XPNPEP1: variants seen among roughly 807,000 people sequenced by gnomAD.
XPNPEP1 encodes xaa-Pro aminopeptidase 1.
In XPNPEP1, 39 loss-of-function variants were observed where a neutral mutation model predicts 92.4. That is an observed-to-expected ratio of 0.42 (90% CI 0.33 to 0.55). The LOEUF (loss-of-function observed/expected upper bound fraction) is 0.55. Among genes scored for constraint, XPNPEP1 ranks in the 20% least tolerant of loss-of-function variants. XPNPEP1 has a pLI of 0.08. For missense variants in XPNPEP1, 654 were observed against 856.1 expected, an observed-to-expected ratio of 0.76 and a Z score of 2.95; for synonymous variants, 307 against 299.4, an observed-to-expected ratio of 1.03 and a Z score of -0.26.
At chr10:109,877,620 G>T in intron 14 of XPNPEP1, 170 bp downstream of exon 14, 2 of 820,622 alleles carry the variant, frequency 2.4e-6, no homozygotes, top group East Asian at 2.7e-5. Flanking sequence ...CAGAGGCTTG[G>T]GGATTGGGAG....
rs7834 is a variant in XPNPEP1 at position 109,865,011 on chromosome 10, G to A, written c.*173C>T. 0.032 allele frequency: 29,583 copies of A among 918,748 alleles called. 1,514 individuals are homozygous for A. Among genetic ancestry groups the A allele is most frequent in the African/African-American group, 0.16 (9,716 of 59,760 alleles). 56.9% of individuals were successfully genotyped at this position (918,748 alleles called of 1,614,324 possible). A position where few individuals can be genotyped will look rare whatever the true frequency, so the allele number is the denominator to read the frequency against. On this transcript the variant is annotated 3_prime_UTR_variant, in exon 21 of 21. Coordinates refer to ENST00000502935, the MANE Select transcript of XPNPEP1 (RefSeq NM_020383.4). ...CAATTAAAAAATCATAAAAGACTGA[G>A]TGTTTGCAATAAAATATCAAAGAGG...
chr10:109,883,978 G>T, intron 9 of XPNPEP1, 89 bp downstream of exon 9: 1 of 1,117,832 alleles, frequency 8.9e-7, no homozygotes, highest in Non-Finnish European at 1.3e-6. Flanking sequence ...GAAATATCAG[G>T]CAGTGATGGG....
intron 6 of XPNPEP1, 94 bp downstream of exon 6, chr10:109,888,409 C>T (rs550654703): frequency 1.5e-6 from 2 of 1,330,330 alleles, no homozygotes; most frequent in Non-Finnish European, 2.1e-6. Context: ...GCTGAGCCCC[C>T]CAGTGCTCCA....
intron 7 of XPNPEP1, 47 bp downstream of exon 7, chr10:109,888,002 G>C: frequency 1.9e-6 from 3 of 1,606,250 alleles, no homozygotes; most frequent in Non-Finnish European, 2.6e-6. Flanking sequence ...GCAAGAGGTG[G>C]GGGGACAATG....
intron 8 of XPNPEP1, chr10:109,884,438 T>C: frequency 2.9e-6 from 1 of 342,116 alleles, no homozygotes; most frequent in Non-Finnish European, 5.4e-6. Flanking sequence ...CCACAAGGAG[T>C]TGAAATGATC....
chr10:109,883,840 T>C (rs1185123664), intron 9 of XPNPEP1: 7 of 465,218 alleles, frequency 1.5e-5, no homozygotes, highest in Middle Eastern at 5.5e-4. Flanking sequence ...GCCCGAACTA[T>C]AGACACTTTC....
chr10:109,873,308 A>G (rs1371266835), intron 16 of XPNPEP1, 59 bp downstream of exon 16: 2 of 1,596,500 alleles, frequency 1.3e-6, no homozygotes, highest in African/African-American at 2.7e-5. Flanking sequence ...TTTTCATAAA[A>G]GCAATGCTCT....
At chr10:109,868,484 C>T (rs1253007857) in intron 20 of XPNPEP1, 130 bp downstream of exon 20, 2 of 837,772 alleles carry the variant, frequency 2.4e-6, no homozygotes, top group African/African-American at 1.7e-5. Context: ...CTGGCCTAGA[C>T]CTCTAAATTT....
intron 8 of XPNPEP1, 120 bp from the exon 9 acceptor site, chr10:109,884,268 C>G (rs563904923): frequency 2.1e-6 from 2 of 950,302 alleles, no homozygotes; most frequent in African/African-American, 1.7e-5. Context: ...TCAGTGGAAT[C>G]GCACAGAAAG....
At chr10:109,893,117 A>T (rs750073890) in intron 3 of XPNPEP1, 42 bp from the exon 4 acceptor site, 9 of 1,578,460 alleles carry the variant, frequency 5.7e-6, no homozygotes, top group Non-Finnish European at 7.8e-6. Context: ...TCGATCAGTC[A>T]TGAGCAGACT....
chr10:109,900,992 A>T (rs1355536786), intron 3 of XPNPEP1, among the ~76,000 whole-genome samples: 1 of 152,168 alleles, frequency 6.6e-6, no homozygotes, highest in Non-Finnish European at 1.5e-5. Context: ...ACATATGTTT[A>T]TTGCGGCACT....
Position 109,877,904 on chromosome 10 carries a change from G to C in XPNPEP1, c.1242-37C>G, listed in dbSNP as rs769692829. The C allele has an allele frequency of 1.1e-5, 17 of 1,614,042 alleles. No homozygotes were observed. In the African/African-American group the frequency reaches 2.0e-4, roughly 19 times the overall value. ...AGACAGAAAGCAGAGTGGCTTAAAG[G>C]TTTTTACTGTGCTAAGATTCAGGGC... On this transcript the variant is annotated intron_variant, in intron 13 of 20. Coordinates refer to ENST00000502935, the MANE Select transcript of XPNPEP1 (RefSeq NM_020383.4).
chr10:109,886,336 A>C lies in XPNPEP1; in HGVS notation c.658T>G (p.Ser220Ala). 1 of 1,614,080 alleles carries C rather than the reference A, an allele frequency of 6.2e-7. No individual in the cohort carries two copies. Among genetic ancestry groups the C allele is most frequent in the Non-Finnish European group, 8.5e-7 (1 of 1,179,988 alleles). Residue 220 changes from serine to alanine, a missense_variant, in exon 8 of 21, where the codon TCC becomes GCC. Physicochemically the swap from Ser to Ala is moderately conservative, Grantham distance 99. Transcript: ENST00000502935. ...LTLGLDYTGI[S>A]WKDKVADLRL... ...AGGTCTGCAACCTTGTCCTTCCAGG[A>C]GATGCCTGCAAGAAACAAATGTGCT...
chr10:109,905,132 C>G (rs991334261), intron 3 of XPNPEP1, among the ~76,000 whole-genome samples: 1 of 152,098 alleles, frequency 6.6e-6, no homozygotes, highest in African/African-American at 2.4e-5. Flanking sequence ...ACCTTGGACA[C>G]TATACTAAGT....
At chr10:109,868,751 T>C (rs962239400) in intron 19 of XPNPEP1, 39 bp from the exon 20 acceptor site, 13 of 1,571,024 alleles carry the variant, frequency 8.3e-6, no homozygotes, top group Non-Finnish European at 1.1e-5. Flanking sequence ...TTTACTCCTC[T>C]TTACTATGCT....
chr10:109,883,317 C>T (rs1051921759), intron 9 of XPNPEP1, among the ~76,000 whole-genome samples: 3 of 151,998 alleles, frequency 2.0e-5, no homozygotes, highest in African/African-American at 7.2e-5. Context: ...CCCGCCCCTC[C>T]TCACCCTGCC....
intron 1 of XPNPEP1, among the ~76,000 whole-genome samples, chr10:109,921,439 G>T (rs1850535088): frequency 6.6e-6 from 1 of 152,202 alleles, no homozygotes; most frequent in Non-Finnish European, 1.5e-5. Flanking sequence ...TGTATAAGAT[G>T]GTTATGGTAG....
chr10:109,868,276 A>G (rs754025204), intron 20 of XPNPEP1, among the ~76,000 whole-genome samples: 4 of 151,878 alleles, frequency 2.6e-5, no homozygotes, highest in Admixed American at 6.6e-5. Context: ...GTAGGGACAC[A>G]CATAGGCTCA....
intron 3 of XPNPEP1, among the ~76,000 whole-genome samples, chr10:109,905,962 C>T (rs1849536168): frequency 6.6e-6 from 1 of 152,188 alleles, no homozygotes; most frequent in Non-Finnish European, 1.5e-5. Context: ...TCCATGTCTC[C>T]AGGCAGAGAT....
Sources: gnomAD v4.1 joint callset for allele counts (sites outside exome capture counted in the v4.1 genomes callset) on GRCh38, gnomAD v4.1.1 for gene constraint, MANE v1.5 for transcripts, NCBI Gene and HGNC (gene_info 2026-07-23, HGNC 2026-07-21) for gene names.